Variants in DOK6 observed in about 807,000 individuals in gnomAD.
The protein encoded by DOK6 is docking protein 6, also known as downstream of tyrosine kinase 6.
DOK6 carries 22 observed loss-of-function variants against 44.0 expected under a neutral mutation model. The ratio of observed to expected loss-of-function variants is 0.50; its 90% CI spans 0.36 to 0.71. The LOEUF is 0.71. Among genes scored for constraint, DOK6 ranks in the 30% least tolerant of loss-of-function variants. DOK6 has a pLI of 0.00. For synonymous variants in DOK6, 166 were observed against 145.5 expected (o/e 1.14, Z -1.01); for missense variants, 340 against 416.4 (o/e 0.82, Z 1.60).
intron 2 of DOK6, among the ~76,000 whole-genome samples, chr18:69,567,123 G>T (rs143282167): frequency 6.6e-6 from 1 of 152,066 alleles, no homozygotes; most frequent in East Asian, 1.9e-4. Context: ...TCAAAACATG[G>T]TCTATCCGTT....
intron 3 of DOK6, among the ~76,000 whole-genome samples, chr18:69,673,685 A>G (rs1027014559): frequency 6.6e-5 from 10 of 152,230 alleles, no homozygotes; most frequent in African/African-American, 2.2e-4. Context: ...CCTTTTGGAA[A>G]TTACCAAATT....
chr18:69,407,080 T>TA (rs1008840012), intron 1 of DOK6, among the ~76,000 whole-genome samples: 16 of 151,296 alleles, frequency 1.1e-4, no homozygotes, highest in African/African-American at 2.4e-4. Flanking sequence ...AAACTCCATC[T>TA]AAAAAAAAAT....
chr18:69,807,278 C>T (rs1427560385), intron 7 of DOK6, among the ~76,000 whole-genome samples: 1 of 151,748 alleles, frequency 6.6e-6, no homozygotes, highest in African/African-American at 2.4e-5. Context: ...AAAGCAAAAA[C>T]TCCTATAGTA....
chr18:69,738,906 A>C, intron 5 of DOK6, 59 bp from the exon 6 acceptor site: 1 of 1,587,128 alleles, frequency 6.3e-7, no homozygotes, highest in Non-Finnish European at 8.6e-7. Context: ...CTACGTGGAA[A>C]ACTGTTATGC....
At chr18:69,752,802 AGGTTTCCCTGGTCCCCT>A (rs1979226863) in intron 6 of DOK6, among the ~76,000 whole-genome samples, 1 of 152,166 alleles carries the variant, frequency 6.6e-6, no homozygotes, top group African/African-American at 2.4e-5. Context: ...ATGCTTCCAT[AGGTTTCCCTGGTCCCCT>A]GGTCCCACGG....
chr18:69,826,329 A>G (rs1981739545), intron 7 of DOK6, among the ~76,000 whole-genome samples: 3 of 152,230 alleles, frequency 2.0e-5, no homozygotes, highest in African/African-American at 7.2e-5. Context: ...AACATGGACC[A>G]GAATATTGTA....
At chr18:69,412,979 C>G (rs1266887684) in intron 1 of DOK6, among the ~76,000 whole-genome samples, 2 of 152,084 alleles carry the variant, frequency 1.3e-5, no homozygotes, top group Non-Finnish European at 2.9e-5. Context: ...TGTAATGACA[C>G]AGAAGTAGAA....
chr18:69,555,430 C>A (rs1034606564), intron 1 of DOK6, among the ~76,000 whole-genome samples: 5 of 152,152 alleles, frequency 3.3e-5, no homozygotes. Flanking sequence ...GATATCATAT[C>A]AGGAAAAGGT....
At chr18:69,726,019 G>C (rs1978305162) in intron 5 of DOK6, among the ~76,000 whole-genome samples, 1 of 152,156 alleles carries the variant, frequency 6.6e-6, no homozygotes, top group Non-Finnish European at 1.5e-5. Flanking sequence ...TCAGTGGGGA[G>C]AATTTGATTG....
intron 4 of DOK6, among the ~76,000 whole-genome samples, chr18:69,683,373 C>T (rs1986084592): frequency 1.3e-5 from 2 of 152,204 alleles, no homozygotes; most frequent in Non-Finnish European, 2.9e-5. Context: ...CCAAACCCTC[C>T]ATAACTTAGA....
chr18:69,498,219 T>C (rs1299818737), intron 1 of DOK6, among the ~76,000 whole-genome samples: 1 of 152,102 alleles, frequency 6.6e-6, no homozygotes, highest in African/African-American at 2.4e-5. Flanking sequence ...TCATTCCAAT[T>C]AATGAAATAA....
chr18:69,587,909 TA>T (rs1983543417), intron 2 of DOK6, among the ~76,000 whole-genome samples: 1 of 152,194 alleles, frequency 6.6e-6, no homozygotes, highest in African/African-American at 2.4e-5. Context: ...GACAGTCTCA[TA>T]ATAATTTAGG....
intron 1 of DOK6, among the ~76,000 whole-genome samples, chr18:69,524,545 T>G (rs776015528): frequency 6.6e-6 from 1 of 151,940 alleles, no homozygotes; most frequent in Non-Finnish European, 1.5e-5. Context: ...AAATAGGTTC[T>G]AATTAGAGTT....
intron 1 of DOK6, among the ~76,000 whole-genome samples, chr18:69,417,480 G>A (rs1248362962): frequency 6.6e-6 from 1 of 151,966 alleles, no homozygotes; most frequent in Non-Finnish European, 1.5e-5. Flanking sequence ...GAATACTTAG[G>A]TTGATACCAT....
chr18:69,672,715 G>GA (rs1302826263), intron 3 of DOK6, among the ~76,000 whole-genome samples: 3 of 130,212 alleles, frequency 2.3e-5, no homozygotes, highest in South Asian at 5.0e-4. Context: ...AAAGGGGGGG[G>GA]TGGGGGCGGT....
chr18:69,825,090 A>G (rs1402604316), intron 7 of DOK6, among the ~76,000 whole-genome samples: 1 of 152,226 alleles, frequency 6.6e-6, no homozygotes, highest in Admixed American at 6.5e-5. Context: ...TTCTCCAAAG[A>G]GCTACCCAAA....
chr18:69,642,187 T>C (rs1427599237), intron 3 of DOK6, among the ~76,000 whole-genome samples: 3 of 152,324 alleles, frequency 2.0e-5, no homozygotes, highest in Middle Eastern at 6.8e-3. Context: ...CTACCCTATA[T>C]ATTTCAGCAT....
chr18:69,703,974 G>A (rs1018968802), intron 5 of DOK6, among the ~76,000 whole-genome samples: 2 of 152,160 alleles, frequency 1.3e-5, no homozygotes, highest in African/African-American at 4.8e-5. Context: ...CTGCCATGCG[G>A]AGGAAAGACC....
intron 7 of DOK6, among the ~76,000 whole-genome samples, chr18:69,839,075 C>CCTAA (rs1402666399): frequency 1.3e-5 from 2 of 150,626 alleles, no homozygotes; most frequent in Non-Finnish European, 3.0e-5. Flanking sequence ...CTAGTCTCTC[C>CCTAA]CTAACTCCTC....
Sources: gnomAD v4.1 joint callset for allele counts (sites outside exome capture counted in the v4.1 genomes callset) on GRCh38, gnomAD v4.1.1 for gene constraint, MANE v1.5 for transcripts, NCBI Gene and HGNC (gene_info 2026-07-23, HGNC 2026-07-21) for gene names.